TMCC2: variants seen among roughly 807,000 people sequenced by gnomAD.
The protein encoded by TMCC2 is transmembrane and coiled-coil domains protein 2.
A neutral mutation model predicts 49.4 loss-of-function variants in TMCC2; 16 were observed. The observed-to-expected ratio is 0.32, with a 90% CI of 0.22 to 0.49. TMCC2 has a LOEUF of 0.49. Among genes scored for constraint, TMCC2 ranks in the 20% least tolerant of loss-of-function variants. The pLI is 0.99. For synonymous variants in TMCC2, 397 were observed against 434.1 expected, an observed-to-expected ratio of 0.91 and a Z score of 1.06; for missense variants, 762 against 989.8, an observed-to-expected ratio of 0.77 and a Z score of 3.09.
intron 2 of TMCC2, among the ~76,000 whole-genome samples, chr1:205,250,283 G>A (rs1375401189): frequency 6.6e-6 from 1 of 152,166 alleles, no homozygotes; most frequent in Non-Finnish European, 1.5e-5. Context: ...GCTCGTGCCT[G>A]TAATCCCAGC....
chr1:205,271,835 C>G lies in TMCC2; in HGVS notation c.1841C>G (p.Thr614Ser), dbSNP rs1348524524. The G allele has an allele frequency of 3.7e-6, 6 of 1,612,336 alleles. No homozygotes were observed. Among genetic ancestry groups the G allele is most frequent in the Non-Finnish European group, 5.1e-6 (6 of 1,179,970 alleles). The change falls in exon 5 of 5, where the codon ACC (threonine) becomes AGC (serine). Residue 614 changes from threonine (T) to serine (S), a missense_variant. Physicochemically the swap from Thr to Ser is moderately conservative, Grantham distance 58. Transcript: ENST00000358024. Reference sequence around the variant, plus strand: ...CAGGAGGCCGTGGAGTCCTGCCTGACCCGGGTCACCAAGCTGGAGCTGCAG... The same window carrying G: ...CAGGAGGCCGTGGAGTCCTGCCTGAGCCGGGTCACCAAGCTGGAGCTGCAG... ...DIQEAVESCL[T>S]RVTKLELQQQ...
intron 2 of TMCC2, among the ~76,000 whole-genome samples, chr1:205,258,170 C>G (rs1409281550): frequency 1.3e-5 from 2 of 152,058 alleles, no homozygotes; most frequent in Non-Finnish European, 2.9e-5. Flanking sequence ...AGGCAGCTGG[C>G]TCTGCACTGC....
intron 2 of TMCC2, among the ~76,000 whole-genome samples, chr1:205,260,462 C>T (rs1661059454): frequency 6.6e-6 from 1 of 152,218 alleles, no homozygotes. Context: ...TTAGGAAGAG[C>T]TGCTACCCTA....
chr1:205,249,139 G>A (rs942575959), intron 2 of TMCC2, among the ~76,000 whole-genome samples: 3 of 152,212 alleles, frequency 2.0e-5, no homozygotes, highest in Non-Finnish European at 4.4e-5. Flanking sequence ...GGAGGGTGGA[G>A]AGATGACAAC....
At chr1:205,253,627 G>T (rs1206042027) in intron 2 of TMCC2, among the ~76,000 whole-genome samples, 1 of 152,230 alleles carries the variant, frequency 6.6e-6, no homozygotes, top group African/African-American at 2.4e-5. Flanking sequence ...AAGTGATGTG[G>T]CTTACTCCAC....
rs758634609 is a variant in TMCC2, at chr1:205,268,959, G to A, written c.757G>A (p.Gly253Arg). Residue 253 changes from glycine to arginine, a missense_variant, in exon 3 of 5, where the codon GGA (glycine) becomes AGA (arginine). Physicochemically the swap from Gly to Arg is moderately radical, Grantham distance 125 (BLOSUM62 -2). Transcript: ENST00000358024. ...AEGIGDKVDKGDLVALSLPAG... is the reference protein window; with the variant it reads ...AEGIGDKVDKRDLVALSLPAG... ...CTGCCTCTTTCCCCAGGTCGATAAGGGAGACCTGGTGGCCCTGAGCCTCCC... is the reference window on the plus strand; with the variant it reads ...CTGCCTCTTTCCCCAGGTCGATAAGAGAGACCTGGTGGCCCTGAGCCTCCC... 6.2e-7 allele frequency: 1 copy of A among 1,612,472 alleles called. No individual in the cohort carries two copies. Among genetic ancestry groups the A allele is most frequent in the Non-Finnish European group, 8.5e-7 (1 of 1,179,540 alleles).
intron 2 of TMCC2, among the ~76,000 whole-genome samples, chr1:205,258,455 G>A (rs1026972164): frequency 6.6e-6 from 1 of 152,056 alleles, no homozygotes; most frequent in Admixed American, 6.5e-5. Context: ...CTTGAGAAAA[G>A]CCGCTTAGGC....
chr1:205,233,545 T>C (rs1659896710), intron 1 of TMCC2, among the ~76,000 whole-genome samples: 1 of 152,178 alleles, frequency 6.6e-6, no homozygotes, highest in African/African-American at 2.4e-5. Flanking sequence ...TTCCTCCCAC[T>C]GTGAGTGGCG....
chr1:205,265,117 G>T (rs1432263106), intron 2 of TMCC2, among the ~76,000 whole-genome samples: 1 of 152,170 alleles, frequency 6.6e-6, no homozygotes, highest in East Asian at 1.9e-4. Context: ...GGGACGGAAG[G>T]AGCTGGTGTC....
At chr1:205,252,830 A>C (rs1425869623) in intron 2 of TMCC2, among the ~76,000 whole-genome samples, 5 of 151,410 alleles carry the variant, frequency 3.3e-5, no homozygotes, top group Non-Finnish European at 7.4e-5. Context: ...TTTAAGAGAA[A>C]GAAAAGTAGG....
intron 2 of TMCC2, among the ~76,000 whole-genome samples, chr1:205,245,521 G>A (rs1660421761): frequency 6.6e-6 from 1 of 152,258 alleles, no homozygotes; most frequent in Non-Finnish European, 1.5e-5. Context: ...TTTTACCTTA[G>A]ATGATCACCA....
chr1:205,247,636 C>T (rs1660502545), intron 2 of TMCC2, among the ~76,000 whole-genome samples: 2 of 152,172 alleles, frequency 1.3e-5, no homozygotes, highest in Non-Finnish European at 2.9e-5. Context: ...AGTGGTTCTG[C>T]CCTGATCTCT....
chr1:205,247,171 A>G (rs1400370876), intron 2 of TMCC2, among the ~76,000 whole-genome samples: 1 of 152,054 alleles, frequency 6.6e-6, no homozygotes, highest in Non-Finnish European at 1.5e-5. Flanking sequence ...GGCCTGGTTG[A>G]TCTTTATAAC....
intron 2 of TMCC2, among the ~76,000 whole-genome samples, chr1:205,249,683 A>G (rs1660592380): frequency 6.6e-6 from 1 of 152,202 alleles, no homozygotes; most frequent in Non-Finnish European, 1.5e-5. Flanking sequence ...CCTCACACCC[A>G]GGAGTGGTGG....
chr1:205,260,025 G>A (rs572907176), intron 2 of TMCC2, among the ~76,000 whole-genome samples: 7 of 152,146 alleles, frequency 4.6e-5, no homozygotes, highest in Non-Finnish European at 1.0e-4. Flanking sequence ...GTAAGGCCCT[G>A]GCTGGTAGGG....
In TMCC2 at chr1:205,273,045, C is replaced by T. The variant is rs1427516913; in HGVS notation, c.*921C>T. ...GGCTGGGAGAAGTGGGACCGAGCCA[C>T]CCAGCCCCACTATCCCCAAGCAGCC... On this transcript the variant is annotated 3_prime_UTR_variant, in exon 5 of 5. Coordinates refer to ENST00000358024, the MANE Select transcript of TMCC2 (RefSeq NM_014858.4). 6.6e-6 allele frequency: 1 copy of T among 152,172 alleles called. No individual in the cohort carries two copies. The highest frequency in any genetic ancestry group is 1.5e-5 in the Non-Finnish European group (1 of 68,036). The allele number at this position is 152,172 out of a possible 1,614,324, so 9.4% of individuals were successfully genotyped here. A position where few individuals can be genotyped will look rare whatever the true frequency, so the allele number is the denominator to read the frequency against.
chr1:205,228,558 A>G lies in TMCC2; in HGVS notation c.-7A>G, dbSNP rs1196977075. 2 of 1,600,896 alleles carry G rather than the reference A, an allele frequency of 1.2e-6. No homozygotes were observed. Among genetic ancestry groups the G allele is most frequent in the Admixed American group, 3.4e-5 (2 of 59,526 alleles). ...GGACAGATTCCCCTTGCCGACCCAC[A>G]TACACCATGAAGAGGTGCAGATCGG... On this transcript the variant is annotated 5_prime_UTR_variant, in exon 1 of 5. Transcript: ENST00000358024.
At position 205,269,322 on chromosome 1, in the gene TMCC2, A is replaced by C; in HGVS notation, c.1120A>C (p.Lys374Gln). 1 of 1,613,350 alleles carries C rather than the reference A, an allele frequency of 6.2e-7. No homozygotes were observed. Among genetic ancestry groups the C allele is most frequent in the Non-Finnish European group, 8.5e-7 (1 of 1,179,940 alleles). Residue 374 changes from lysine (K) to glutamine (Q), a missense_variant, in exon 3 of 5, where the codon AAG (lysine) becomes CAG (glutamine). By Grantham distance (53) the Lys-to-Gln change is moderately conservative. Transcript: ENST00000358024. ...IEQNGPSRQPKDVLRDMQQGL... is the reference protein window; with the variant it reads ...IEQNGPSRQPQDVLRDMQQGL... ...GCAGAACGGGCCCTCGCGGCAGCCC[A>C]AGGACGTGCTGCGGGACATGCAGCA...
chr1:205,242,676 G>A (rs1216329397), intron 2 of TMCC2, among the ~76,000 whole-genome samples: 1 of 152,216 alleles, frequency 6.6e-6, no homozygotes, highest in African/African-American at 2.4e-5. Context: ...ACAAGCCAGT[G>A]TTGCTGTCCT....
Sources: gnomAD v4.1 joint callset for allele counts (sites outside exome capture counted in the v4.1 genomes callset) on GRCh38, gnomAD v4.1.1 for gene constraint, MANE v1.5 for transcripts, NCBI Gene and HGNC (gene_info 2026-07-23, HGNC 2026-07-21) for gene names.